MINDY4: variants seen among roughly 807,000 people sequenced by gnomAD.
MINDY4 encodes the protein MINDY lysine 48 deubiquitinase 4, also known as probable ubiquitin carboxyl-terminal hydrolase MINDY-4.
A neutral mutation model predicts 87.0 loss-of-function variants in MINDY4; 68 were observed. The observed-to-expected ratio is 0.78, with a 90% confidence interval of 0.64 to 0.96. The LOEUF is 0.96. MINDY4 is among the 40% of genes least tolerant of loss of function. The probability of loss-of-function intolerance (pLI) is 0.00; values close to 1 mark genes in which losing one functional copy is unlikely to be tolerated. For synonymous variants in MINDY4, 379 were observed against 363.2 expected (o/e 1.04, Z -0.50); for missense variants, 919 against 928.2 (o/e 0.99, Z 0.13).
At chr7:30,861,251 C>A (rs1181664239) in intron 13 of MINDY4, among the ~76,000 whole-genome samples, 1 of 152,218 alleles carries the variant, frequency 6.6e-6, no homozygotes, top group East Asian at 1.9e-4. Flanking sequence ...CTTCCCCTCT[C>A]CTAAGACGAC....
intron 5 of MINDY4, among the ~76,000 whole-genome samples, chr7:30,811,057 A>G (rs551921525): frequency 1.2e-4 from 19 of 152,228 alleles, no homozygotes; most frequent in African/African-American, 4.3e-4. Context: ...CAGCCTAAAG[A>G]TCACTTCTTA....
intron 8 of MINDY4, among the ~76,000 whole-genome samples, chr7:30,839,658 A>AATC (rs199598520): frequency 0.032 from 4,930 of 152,146 alleles, 122 homozygotes; most frequent in East Asian, 0.11. Flanking sequence ...TCTTAGGCTG[A>AATC]TCATTGAGAG....
At chr7:30,827,516 C>A (rs1788549212) in intron 5 of MINDY4, among the ~76,000 whole-genome samples, 1 of 152,180 alleles carries the variant, frequency 6.6e-6, no homozygotes, top group Non-Finnish European at 1.5e-5. Flanking sequence ...ACTCCTCTTT[C>A]CAGCTCATTC....
intron 13 of MINDY4, among the ~76,000 whole-genome samples, chr7:30,865,421 C>T (rs964117430): frequency 8.5e-5 from 13 of 152,250 alleles, no homozygotes; most frequent in African/African-American, 1.9e-4. Context: ...GGTGGACCCA[C>T]GGGGGCATGG....
intron 5 of MINDY4, among the ~76,000 whole-genome samples, chr7:30,825,591 C>T (rs1209605433): frequency 6.6e-6 from 1 of 152,174 alleles, no homozygotes; most frequent in African/African-American, 2.4e-5. Flanking sequence ...CAAAGTAGAG[C>T]ATTTGAAGCC....
chr7:30,875,391 C>G (rs1790227020), intron 14 of MINDY4, 104 bp from the exon 15 acceptor site: 1 of 1,296,258 alleles, frequency 7.7e-7, no homozygotes, highest in South Asian at 1.2e-5. Context: ...TCCCTCCTTG[C>G]TTTCCTTCCT....
intron 12 of MINDY4, 77 bp downstream of exon 12, chr7:30,853,536 C>G (rs1227890742): frequency 1.6e-6 from 2 of 1,288,046 alleles, no homozygotes; most frequent in Non-Finnish European, 1.1e-6. Context: ...ATGCTGTGAA[C>G]TGGAGTTGTT....
At chr7:30,790,160 G>A (rs919976253) in intron 4 of MINDY4, among the ~76,000 whole-genome samples, 2 of 152,168 alleles carry the variant, frequency 1.3e-5, no homozygotes, top group African/African-American at 4.8e-5. Flanking sequence ...AGTCTTGTTG[G>A]GGAGAAGTAC....
intron 15 of MINDY4, among the ~76,000 whole-genome samples, chr7:30,875,986 C>T (rs373632877): frequency 6.6e-6 from 1 of 152,182 alleles, no homozygotes; most frequent in Admixed American, 6.5e-5. Flanking sequence ...AACTTGAGGT[C>T]TTAGGCCTCG....
chr7:30,852,525 T>C (rs1160549519), intron 11 of MINDY4, among the ~76,000 whole-genome samples: 1 of 150,180 alleles, frequency 6.7e-6, no homozygotes, highest in Admixed American at 6.8e-5. Context: ...TGTGCAGAGC[T>C]GAAGTCTGTA....
intron 5 of MINDY4, among the ~76,000 whole-genome samples, chr7:30,816,971 C>T (rs1344328229): frequency 6.6e-6 from 1 of 152,192 alleles, no homozygotes; most frequent in East Asian, 1.9e-4. Flanking sequence ...AAAATTGCTA[C>T]ACATTGTGAT....
chr7:30,790,580 A>T (rs913456560), intron 4 of MINDY4, among the ~76,000 whole-genome samples: 1 of 151,878 alleles, frequency 6.6e-6, no homozygotes, highest in African/African-American at 2.4e-5. Context: ...AGTAGCTGAG[A>T]TTACAGTCAT....
Position 30,828,538 on chromosome 7 carries a change from G to T in MINDY4, c.1074-141G>T. 4 of 764,834 alleles carry T rather than the reference G, an allele frequency of 5.2e-6. No homozygotes were observed. In the South Asian group the frequency reaches 6.4e-5, roughly 12 times the overall value. 47.4% of individuals were successfully genotyped at this position (764,834 alleles called of 1,614,324 possible). ...GGAACCTGTGGCTGAGAGAGGGGGA[G>T]TATTCAAGGCACACAGAGGCAAGGC... is the stretch of plus-strand genomic sequence containing the variant. On this transcript the variant is annotated intron_variant, in intron 5 of 17. Coordinates refer to ENST00000265299, the MANE Select transcript of MINDY4 (RefSeq NM_032222.3).
intron 13 of MINDY4, among the ~76,000 whole-genome samples, chr7:30,865,183 C>T: frequency 6.6e-6 from 1 of 152,306 alleles, no homozygotes; most frequent in Non-Finnish European, 1.5e-5. Context: ...GCTCACTTGC[C>T]CTCTCTCACC....
intron 13 of MINDY4, among the ~76,000 whole-genome samples, chr7:30,865,141 C>A (rs1789893025): frequency 6.6e-6 from 1 of 152,184 alleles, no homozygotes; most frequent in Non-Finnish European, 1.5e-5. Context: ...GACCCATGGG[C>A]TCCCGTCTCT....
intron 12 of MINDY4, chr7:30,858,109 G>A (rs1307869103): frequency 1.3e-5 from 2 of 152,018 alleles, no homozygotes; most frequent in African/African-American, 4.8e-5. Flanking sequence ...AACAGGCGGT[G>A]TCTTCAGTCA....
chr7:30,806,397 A>T (rs1787805710), intron 5 of MINDY4, among the ~76,000 whole-genome samples: 1 of 152,216 alleles, frequency 6.6e-6, no homozygotes, highest in African/African-American at 2.4e-5. Flanking sequence ...GTAAAATAAA[A>T]TATATCAAAT....
chr7:30,791,060 A>G (rs529566291), intron 4 of MINDY4, 105 bp from the exon 5 acceptor site: 2 of 1,142,866 alleles, frequency 1.7e-6, no homozygotes, highest in African/African-American at 3.1e-5. Flanking sequence ...GGGAAAAGAC[A>G]TTCCTGGGAG....
At chr7:30,823,327 A>G (rs1187355015) in intron 5 of MINDY4, among the ~76,000 whole-genome samples, 1 of 152,206 alleles carries the variant, frequency 6.6e-6, no homozygotes, top group Non-Finnish European at 1.5e-5. Context: ...ACCCTTTCCC[A>G]TATAAATGAT....
Sources: allele counts gnomAD v4.1 joint callset (sites outside exome capture counted in the v4.1 genomes callset), GRCh38; gene constraint gnomAD v4.1.1; transcripts MANE v1.5; gene names NCBI Gene and HGNC (gene_info 2026-07-23, HGNC 2026-07-21).